Variants in HMGA2 observed in about 807,000 individuals in gnomAD.
HMGA2 encodes the protein high mobility group AT-hook 2, also known as high mobility group protein HMGI-C.
HMGA2 carries 8 observed loss-of-function variants against 19.1 expected under a neutral mutation model. That is an observed-to-expected ratio of 0.42 (90% confidence interval 0.25 to 0.76). The LOEUF is 0.76. HMGA2 is among the 30% of genes least tolerant of loss of function. The pLI is 0.28. For synonymous variants in HMGA2, 60 were observed against 48.8 expected, an observed-to-expected ratio of 1.23 and a Z score of -0.96; for missense variants, 109 against 136.3, an observed-to-expected ratio of 0.80 and a Z score of 1.00.
At chr12:65,942,688 C>T (rs956881495) in intron 3 of HMGA2, 1 of 152,094 alleles carries the variant, frequency 6.6e-6, no homozygotes, top group East Asian at 1.9e-4. Context: ...AGAGCACAAC[C>T]ATCTCCTGTA....
intron 3 of HMGA2, chr12:65,882,295 T>TGCTCCGGGCTGC: frequency 4.4e-6 from 1 of 228,574 alleles, no homozygotes; most frequent in Non-Finnish European, 8.9e-6. Flanking sequence ...GCCTCGGCTG[T>TGCTCCGGGCTGC]GCTCCGGGCT....
At chr12:65,918,334 A>G (rs1408389726) in intron 3 of HMGA2, among the ~76,000 whole-genome samples, 1 of 152,186 alleles carries the variant, frequency 6.6e-6, no homozygotes, top group Non-Finnish European at 1.5e-5. Context: ...TTTGTGATGG[A>G]AGGACTTATA....
intron 3 of HMGA2, among the ~76,000 whole-genome samples, chr12:65,847,525 A>G (rs1206598446): frequency 6.6e-6 from 1 of 152,102 alleles, no homozygotes; most frequent in Non-Finnish European, 1.5e-5. Flanking sequence ...CATATCTCCT[A>G]TTTATCTTTT....
At chr12:65,913,376 C>T (rs1387107610) in intron 3 of HMGA2, among the ~76,000 whole-genome samples, 1 of 152,170 alleles carries the variant, frequency 6.6e-6, no homozygotes, top group African/African-American at 2.4e-5. Context: ...TCTTCCTCAG[C>T]CACTGAGTCC....
At chr12:65,958,406 A>G (rs539869268) in intron 4 of HMGA2, 4 of 152,346 alleles carry the variant, frequency 2.6e-5, no homozygotes, top group South Asian at 2.1e-4. Context: ...TCCATTTAAC[A>G]TGTTTTTTAA....
At position 65,844,176 on chromosome 12, in the gene HMGA2, A is replaced by C. The variant is rs181268706; in HGVS notation, c.249+5607A>C. On this transcript the variant is annotated intron_variant, in intron 3 of 4. Coordinates refer to ENST00000403681, the MANE Select transcript of HMGA2 (RefSeq NM_003483.6). Reference sequence around the variant, plus strand: ...GGGGAAGAAATAACTTTGATATGACATCAAAAACTGTCTGCTAATGGAATG... The same window carrying C: ...GGGGAAGAAATAACTTTGATATGACCTCAAAAACTGTCTGCTAATGGAATG... Among the ~76,000 whole-genome samples, 117 of 152,328 alleles carry C rather than the reference A, an allele frequency of 7.7e-4. 1 individual carries two copies. The highest frequency in any genetic ancestry group is 8.2e-4 in the Non-Finnish European group (56 of 68,028).
intron 3 of HMGA2, among the ~76,000 whole-genome samples, chr12:65,936,764 A>G (rs1875909462): frequency 6.6e-6 from 1 of 152,180 alleles, no homozygotes; most frequent in Non-Finnish European, 1.5e-5. Flanking sequence ...TAATCACCCC[A>G]GCAACCCAAT....
intron 3 of HMGA2, among the ~76,000 whole-genome samples, chr12:65,850,191 G>A (rs1474357961): frequency 2.6e-5 from 4 of 152,064 alleles, no homozygotes; most frequent in Non-Finnish European, 4.4e-5. Flanking sequence ...GCAATAAATA[G>A]GTAATTTTTT....
At chr12:65,853,131 A>G (rs1327779429) in intron 3 of HMGA2, among the ~76,000 whole-genome samples, 1 of 152,154 alleles carries the variant, frequency 6.6e-6, no homozygotes, top group Non-Finnish European at 1.5e-5. Flanking sequence ...GGAGTGTGGC[A>G]CTGGAGAAGA....
intron 3 of HMGA2, among the ~76,000 whole-genome samples, chr12:65,943,975 C>T (rs1254117065): frequency 6.6e-6 from 1 of 152,182 alleles, no homozygotes; most frequent in African/African-American, 2.4e-5. Context: ...ACTTAGGAAG[C>T]ACTAAAACAG....
chr12:65,854,069 T>C (rs1194527656), intron 3 of HMGA2, among the ~76,000 whole-genome samples: 2 of 152,214 alleles, frequency 1.3e-5, no homozygotes, highest in African/African-American at 2.4e-5. Context: ...TTTCAAAGTG[T>C]TTGTCATGAA....
At chr12:65,860,386 G>A (rs182816301) in intron 3 of HMGA2, among the ~76,000 whole-genome samples, 11 of 152,318 alleles carry the variant, frequency 7.2e-5, no homozygotes, top group Admixed American at 2.6e-4. Context: ...TCTACTGAAC[G>A]TGTATCACTT....
At chr12:65,929,027 A>C (rs747292658) in intron 3 of HMGA2, among the ~76,000 whole-genome samples, 7 of 152,178 alleles carry the variant, frequency 4.6e-5, no homozygotes, top group Non-Finnish European at 1.5e-5. Context: ...TACCATTTTA[A>C]GAATTGGTCT....
At chr12:65,952,250 C>A in intron 4 of HMGA2, 1 of 779,400 alleles carries the variant, frequency 1.3e-6, no homozygotes, top group Non-Finnish European at 2.1e-6. Flanking sequence ...TAAGCAGTGT[C>A]ATGAGCTATC....
In HMGA2 at chr12:65,898,208, T is replaced by A. The variant is rs553284334; in HGVS notation, c.250-53175T>A. On this transcript the variant is annotated intron_variant, in intron 3 of 4. Coordinates refer to ENST00000403681, the MANE Select transcript of HMGA2 (RefSeq NM_003483.6). ...CCCAAATCCCTACCTCAATACATTT[T>A]AAAATATCCAGGTGCTGTAAGTCGG... is the stretch of plus-strand genomic sequence containing the variant. Among the ~76,000 whole-genome samples, 474 of 152,296 alleles carry A rather than the reference T, an allele frequency of 3.1e-3. 3 individuals carry two copies. Among genetic ancestry groups the A allele is most frequent in the African/African-American group, 0.011 (454 of 41,552 alleles).
At chr12:65,899,898 T>A (rs1200695719) in intron 3 of HMGA2, among the ~76,000 whole-genome samples, 2 of 152,222 alleles carry the variant, frequency 1.3e-5, no homozygotes, top group Admixed American at 6.5e-5. Flanking sequence ...TTCCTGACAC[T>A]TGGGGTTTTT....
intron 2 of HMGA2, among the ~76,000 whole-genome samples, chr12:65,829,844 A>C (rs748884081): frequency 1.3e-5 from 2 of 151,952 alleles, no homozygotes; most frequent in Non-Finnish European, 2.9e-5. Context: ...TTACCACCTA[A>C]AGCAAAATTT....
chr12:65,898,999 G>A (rs990494376), intron 3 of HMGA2, among the ~76,000 whole-genome samples: 3 of 140,784 alleles, frequency 2.1e-5, no homozygotes, highest in Non-Finnish European at 4.5e-5. Context: ...AGCGGAGATC[G>A]TGCCACGGCA....
At chr12:65,869,749 G>C (rs1293967266) in intron 3 of HMGA2, among the ~76,000 whole-genome samples, 1 of 152,146 alleles carries the variant, frequency 6.6e-6, no homozygotes, top group African/African-American at 2.4e-5. Context: ...CATTGTTCTA[G>C]AGACCTCAAA....
Sources: allele counts gnomAD v4.1 joint callset (sites outside exome capture counted in the v4.1 genomes callset), GRCh38; gene constraint gnomAD v4.1.1; transcripts MANE v1.5; gene names NCBI Gene and HGNC (gene_info 2026-07-23, HGNC 2026-07-21).